PRPF38A: variants seen among roughly 807,000 people sequenced by gnomAD.
PRPF38A encodes pre-mRNA-splicing factor 38A.
In PRPF38A, 11 loss-of-function variants were observed where a neutral mutation model predicts 46.8. That is an observed-to-expected ratio of 0.24 (90% CI 0.15 to 0.39). PRPF38A has a LOEUF of 0.39. PRPF38A is among the 10% of genes least tolerant of loss of function. The pLI is 1.00. For synonymous variants in PRPF38A, 124 were observed against 136.2 expected, an observed-to-expected ratio of 0.91 and a Z score of 0.62; for missense variants, 261 against 407.5, an observed-to-expected ratio of 0.64 and a Z score of 3.10.
intron 2 of PRPF38A, among the ~76,000 whole-genome samples, chr1:52,406,243 G>A (rs1057158398): frequency 4.0e-5 from 6 of 151,498 alleles, no homozygotes; most frequent in African/African-American, 2.4e-5. Flanking sequence ...CTCCCCCCCC[G>A]GGCCTCCCAG....
At chr1:52,407,633 A>G (rs1370414545) in intron 2 of PRPF38A, among the ~76,000 whole-genome samples, 1 of 152,200 alleles carries the variant, frequency 6.6e-6, no homozygotes, top group Non-Finnish European at 1.5e-5. Flanking sequence ...TTAAAATTCA[A>G]TATATGGCCA....
At chr1:52,414,251 C>G (rs1648229501) in intron 6 of PRPF38A, among the ~76,000 whole-genome samples, 1 of 152,146 alleles carries the variant, frequency 6.6e-6, no homozygotes, top group African/African-American at 2.4e-5. Flanking sequence ...TGTCGGCTGT[C>G]TACTGGCTGG....
intron 2 of PRPF38A, among the ~76,000 whole-genome samples, chr1:52,407,044 GTC>G (rs958908162): frequency 2.6e-5 from 4 of 152,172 alleles, no homozygotes; most frequent in Non-Finnish European, 4.4e-5. Context: ...TTGAGACAGA[GTC>G]TCGCTCTGTT....
chr1:52,404,988 T>G, intron 1 of PRPF38A, 109 bp downstream of exon 1: 1 of 1,346,088 alleles, frequency 7.4e-7, no homozygotes, highest in Non-Finnish European at 1.0e-6. Context: ...TGGAACGGAG[T>G]ATGTCGATCA....
Position 52,416,806 on chromosome 1 carries a change from C to G in PRPF38A, c.*116C>G, listed in dbSNP as rs752119801. 5.1e-6 allele frequency: 4 copies of G among 777,208 alleles called. No homozygotes were observed. The African/African-American group carries it at 7.0e-5, about 14-fold the overall frequency. The allele number at this position is 777,208 out of a possible 1,614,324, so 48.1% of individuals were successfully genotyped here. On this transcript the variant is annotated 3_prime_UTR_variant, in exon 10 of 10. Transcript: ENST00000257181. ...AAGAATATTTTAGTTTTTTTCTTATCAAGTTTCTCAACCTTTATTTTTAAT... is the reference window on the plus strand; with the variant it reads ...AAGAATATTTTAGTTTTTTTCTTATGAAGTTTCTCAACCTTTATTTTTAAT...
intron 2 of PRPF38A, among the ~76,000 whole-genome samples, chr1:52,406,642 A>G (rs1020547072): frequency 6.6e-6 from 1 of 152,246 alleles, no homozygotes; most frequent in Non-Finnish European, 1.5e-5. Context: ...CACTTGCTGC[A>G]TGGTAAACAC....
At position 52,404,604 on chromosome 1, in the gene PRPF38A, A is replaced by C. The variant is rs1163053087; in HGVS notation, c.-146A>C. ...GACGCGGGGAGCGGAAGCCCTTTAC[A>C]CTACGGTGTTTCCGGCTTCAAGATG... On this transcript the variant is annotated 5_prime_UTR_variant, in exon 1 of 10. Coordinates refer to ENST00000257181, the MANE Select transcript of PRPF38A (RefSeq NM_032864.4). 1 of 803,372 alleles carries C rather than the reference A, an allele frequency of 1.2e-6. No individual in the cohort carries two copies. The highest frequency in any genetic ancestry group is 1.7e-5 in the African/African-American group (1 of 57,670). The allele number at this position is 803,372 out of a possible 1,614,324, so 49.8% of individuals were successfully genotyped here. A position where few individuals can be genotyped will look rare whatever the true frequency, so the allele number is the denominator to read the frequency against.
At chr1:52,414,963 G>C in intron 8 of PRPF38A, 104 bp downstream of exon 8, 1 of 1,003,900 alleles carries the variant, frequency 1.0e-6, no homozygotes. Flanking sequence ...CTGCCTAACA[G>C]AAAAGCAAAT....
chr1:52,407,594 A>G (rs952093815), intron 2 of PRPF38A, among the ~76,000 whole-genome samples: 10 of 152,270 alleles, frequency 6.6e-5, no homozygotes, highest in South Asian at 2.1e-4. Context: ...TTGTTCTTGT[A>G]TTGTTATTAA....
chr1:52,406,131 G>C (rs1647984795), intron 2 of PRPF38A, among the ~76,000 whole-genome samples: 1 of 152,130 alleles, frequency 6.6e-6, no homozygotes, highest in Non-Finnish European at 1.5e-5. Context: ...TGGGATTACA[G>C]GCATGTGCCA....
At chr1:52,410,384 A>G (rs753224590) in intron 3 of PRPF38A, among the ~76,000 whole-genome samples, 19 of 150,532 alleles carry the variant, frequency 1.3e-4, no homozygotes, top group Non-Finnish European at 1.9e-4. Flanking sequence ...CTAGTAGTAT[A>G]ATCTTACGCA....
chr1:52,408,491 A>G (rs1458926145), intron 2 of PRPF38A, 78 bp from the exon 3 acceptor site: 4 of 1,583,676 alleles, frequency 2.5e-6, no homozygotes, highest in Non-Finnish European at 3.5e-6. Context: ...TTTATCCACT[A>G]CTGTCATGAG....
chr1:52,412,726 G>A (rs1020324926), intron 5 of PRPF38A, 102 bp downstream of exon 5: 49 of 744,060 alleles, frequency 6.6e-5, no homozygotes, highest in Admixed American at 1.3e-4. Flanking sequence ...TTGGCCGGGC[G>A]TGGTCGCTCA....
chr1:52,411,233 C>G, intron 4 of PRPF38A, 33 bp downstream of exon 4: 1 of 1,495,892 alleles, frequency 6.7e-7, no homozygotes, highest in South Asian at 1.1e-5. Context: ...CAGAGTCACC[C>G]TTCTCTTCCT....
chr1:52,416,888 C>G lies in PRPF38A; in HGVS notation c.*198C>G, dbSNP rs1251674800. On this transcript the variant is annotated 3_prime_UTR_variant, in exon 10 of 10. Transcript: ENST00000257181. ...TCATAATCAACATCAGTTTTTGACCCAACTAACCTTGACTGTATTCAAACT... is the reference window on the plus strand; with the variant it reads ...TCATAATCAACATCAGTTTTTGACCGAACTAACCTTGACTGTATTCAAACT... The G allele has an allele frequency of 3.4e-6, 2 of 588,518 alleles. No homozygotes were observed. The highest frequency in any genetic ancestry group is 6.1e-6 in the Non-Finnish European group (2 of 325,442). 36.5% of individuals were successfully genotyped at this position (588,518 alleles called of 1,614,324 possible). A position where few individuals can be genotyped will look rare whatever the true frequency, so the allele number is the denominator to read the frequency against.
At position 52,417,281 on chromosome 1, in the gene PRPF38A, T is replaced by C. The variant is rs1648319799; in HGVS notation, c.*591T>C. The stretch of plus-strand genomic sequence containing the variant: ...CAGTTCAACAGAGAGCAGCACTTAA[T>C]ACCCTTTATACAGCCCATTTTTTCA... On this transcript the variant is annotated 3_prime_UTR_variant, in exon 10 of 10. Transcript: ENST00000257181. 6.5e-6 allele frequency: 1 copy of C among 152,938 alleles called. No individual in the cohort carries two copies. The highest frequency in any genetic ancestry group is 2.4e-5 in the African/African-American group (1 of 41,466). The allele number at this position is 152,938 out of a possible 1,614,324, so 9.5% of individuals were successfully genotyped here.
At chr1:52,413,803 G>T in intron 5 of PRPF38A, 76 bp from the exon 6 acceptor site, 1 of 923,790 alleles carries the variant, frequency 1.1e-6, no homozygotes. Context: ...AAGATGGGGC[G>T]TGAAGTATAA....
At chr1:52,414,596 T>C (rs371222429) in intron 6 of PRPF38A, 25 bp from the exon 7 acceptor site, 5 of 1,612,542 alleles carry the variant, frequency 3.1e-6, no homozygotes, top group African/African-American at 1.3e-5. Flanking sequence ...CAACCTAGGC[T>C]TTCTTCTTCC....
rs978865422 is a variant in PRPF38A, at chr1:52,412,644, T to A, written c.609+20T>A. On this transcript the variant is annotated intron_variant, in intron 5 of 9. Coordinates refer to ENST00000257181, the MANE Select transcript of PRPF38A (RefSeq NM_032864.4). ...GAGAAGGTCTGGCACCTGAGACTTT[T>A]ATGGTTGTAGGGGAGGGAGTAATAG... 6.7e-7 allele frequency: 1 copy of A among 1,494,110 alleles called. No homozygotes were observed. The highest frequency in any genetic ancestry group is 1.4e-5 in the African/African-American group (1 of 71,890). 92.6% of individuals were successfully genotyped at this position (1,494,110 alleles called of 1,614,324 possible).
Sources: gnomAD v4.1 joint callset for allele counts (sites outside exome capture counted in the v4.1 genomes callset) on GRCh38, gnomAD v4.1.1 for gene constraint, MANE v1.5 for transcripts, NCBI Gene and HGNC (gene_info 2026-07-23, HGNC 2026-07-21) for gene names.